Variants in SLC41A2 observed in about 807,000 individuals in gnomAD.
The protein encoded by SLC41A2 is solute carrier family 41 member 2, also known as SLC41A1-like 1.
In SLC41A2, 32 loss-of-function variants were observed where a neutral mutation model predicts 58.3. The ratio of observed to expected loss-of-function variants is 0.55; its 90% CI spans 0.41 to 0.74. The LOEUF (loss-of-function observed/expected upper bound fraction) is 0.74. Ranked by LOEUF, SLC41A2 falls within the 30% of genes least tolerant of loss-of-function variation. The pLI, the probability that SLC41A2 is intolerant of heterozygous loss-of-function variation, is 0.00. For missense variants in SLC41A2, 514 were observed against 680.6 expected (o/e 0.76, Z 2.72); for synonymous variants, 190 against 235.0 (o/e 0.81, Z 1.75).
intron 6 of SLC41A2, among the ~76,000 whole-genome samples, chr12:104,880,807 G>A (rs2044328008): frequency 6.6e-6 from 1 of 152,122 alleles, no homozygotes; most frequent in South Asian, 2.1e-4. Context: ...CCAGGCTTTG[G>A]TATGAGGATG....
intron 3 of SLC41A2, among the ~76,000 whole-genome samples, chr12:104,903,608 G>C (rs1332596709): frequency 6.6e-6 from 1 of 152,196 alleles, no homozygotes. Context: ...AGCACACTTT[G>C]AGAACTACTG....
intron 8 of SLC41A2, among the ~76,000 whole-genome samples, chr12:104,858,215 A>C (rs2043087227): frequency 6.6e-6 from 1 of 152,214 alleles, no homozygotes; most frequent in Non-Finnish European, 1.5e-5. Context: ...TAAATATTAA[A>C]AAATATCCTA....
intron 2 of SLC41A2, among the ~76,000 whole-genome samples, chr12:104,918,918 G>T (rs149475555): frequency 1.3e-3 from 191 of 152,170 alleles, no homozygotes; most frequent in African/African-American, 4.5e-3. Context: ...TCACAACCAA[G>T]ATATTGGCAT....
At chr12:104,906,266 C>A (rs2045845523) in intron 3 of SLC41A2, among the ~76,000 whole-genome samples, 1 of 152,130 alleles carries the variant, frequency 6.6e-6, no homozygotes, top group Non-Finnish European at 1.5e-5. Flanking sequence ...CTATATGCTC[C>A]AGATACCTGA....
At chr12:104,840,022 GAT>G (rs1162130161) in intron 10 of SLC41A2, among the ~76,000 whole-genome samples, 1 of 152,176 alleles carries the variant, frequency 6.6e-6, no homozygotes, top group African/African-American at 2.4e-5. Context: ...TTATTTAACT[GAT>G]AGTTTTCTTT....
intron 1 of SLC41A2, among the ~76,000 whole-genome samples, chr12:104,953,516 G>A (rs1369141558): frequency 2.6e-5 from 4 of 152,204 alleles, no homozygotes; most frequent in Admixed American, 6.5e-5. Flanking sequence ...GGCTCCACCC[G>A]TGAGCTCTCA....
At chr12:104,832,744 A>G (rs924866053) in intron 10 of SLC41A2, among the ~76,000 whole-genome samples, 1 of 152,132 alleles carries the variant, frequency 6.6e-6, no homozygotes, top group Non-Finnish European at 1.5e-5. Context: ...ATCTAAGCTA[A>G]AAAGAAAAAA....
intron 3 of SLC41A2, among the ~76,000 whole-genome samples, chr12:104,900,498 C>T (rs1469771067): frequency 6.6e-6 from 1 of 152,102 alleles, no homozygotes; most frequent in African/African-American, 2.4e-5. Context: ...AAATTGTAGA[C>T]TTTGAAGTTG....
At chr12:104,953,966 A>T (rs558993210) in intron 1 of SLC41A2, among the ~76,000 whole-genome samples, 1 of 152,184 alleles carries the variant, frequency 6.6e-6, no homozygotes, top group African/African-American at 2.4e-5. Context: ...CTATTTAGAC[A>T]TTTTTCTTGG....
chr12:104,882,282 C>T (rs1459681793), intron 6 of SLC41A2, among the ~76,000 whole-genome samples: 1 of 152,120 alleles, frequency 6.6e-6, no homozygotes, highest in Non-Finnish European at 1.5e-5. Context: ...ATTTGCCAGT[C>T]TGTGTCTTTT....
intron 2 of SLC41A2, among the ~76,000 whole-genome samples, chr12:104,912,265 T>C (rs964616289): frequency 9.2e-5 from 14 of 152,318 alleles, no homozygotes; most frequent in Admixed American, 2.6e-4. Flanking sequence ...TGTATGCTGA[T>C]TGATGACAGC....
chr12:104,954,804 T>C (rs2048088554), intron 1 of SLC41A2, among the ~76,000 whole-genome samples: 1 of 152,228 alleles, frequency 6.6e-6, no homozygotes, highest in South Asian at 2.1e-4. Context: ...TTATCTATTA[T>C]TTCCATTTGG....
intron 10 of SLC41A2, among the ~76,000 whole-genome samples, chr12:104,809,326 G>T (rs2041068448): frequency 6.6e-6 from 1 of 152,232 alleles, no homozygotes. Context: ...GTGGGTGTGA[G>T]GCATTTGCCT....
At chr12:104,899,853 G>A (rs915377480) in intron 3 of SLC41A2, among the ~76,000 whole-genome samples, 7 of 152,068 alleles carry the variant, frequency 4.6e-5, no homozygotes, top group Non-Finnish European at 7.4e-5. Flanking sequence ...TTCAAGTGTA[G>A]GCCCCTCTCA....
chr12:104,927,424 G>A (rs545217005), intron 2 of SLC41A2, among the ~76,000 whole-genome samples: 7 of 152,044 alleles, frequency 4.6e-5, no homozygotes, highest in Non-Finnish European at 7.4e-5. Context: ...ATTAAGCAAT[G>A]AAAATAAGTT....
At chr12:104,856,627 G>C (rs891155264) in intron 8 of SLC41A2, among the ~76,000 whole-genome samples, 2 of 152,162 alleles carry the variant, frequency 1.3e-5, no homozygotes, top group African/African-American at 4.8e-5. Flanking sequence ...TACCGGAAAA[G>C]TTAAAATAAT....
At chr12:104,850,313 G>A (rs1205898004) in intron 8 of SLC41A2, among the ~76,000 whole-genome samples, 1 of 152,000 alleles carries the variant, frequency 6.6e-6, no homozygotes, top group Admixed American at 6.5e-5. Context: ...TGATGTTTAG[G>A]ATCCAGTTTC....
intron 2 of SLC41A2, among the ~76,000 whole-genome samples, chr12:104,926,539 G>A (rs2135876156): frequency 6.6e-6 from 1 of 151,392 alleles, no homozygotes; most frequent in Non-Finnish European, 1.5e-5. Flanking sequence ...AGTGAGCCAA[G>A]ATCACGCCAC....
intron 6 of SLC41A2, among the ~76,000 whole-genome samples, chr12:104,870,252 G>T (rs564243636): frequency 3.3e-4 from 51 of 152,296 alleles, no homozygotes; most frequent in African/African-American, 1.2e-3. Flanking sequence ...ACAGCTACCA[G>T]CCGAGAACAC....
Sources: gnomAD v4.1 joint callset for allele counts (sites outside exome capture counted in the v4.1 genomes callset) on GRCh38, gnomAD v4.1.1 for gene constraint, MANE v1.5 for transcripts, NCBI Gene and HGNC (gene_info 2026-07-23, HGNC 2026-07-21) for gene names.